Variants in RAD54B observed in about 807,000 individuals in gnomAD.
RAD54B encodes the protein RAD54 homolog B.
In RAD54B, 78 loss-of-function variants were observed where a neutral mutation model predicts 95.8. That is an observed-to-expected ratio of 0.81 (90% CI 0.68 to 0.98). The LOEUF is 0.98. Ranked by LOEUF, RAD54B falls within the 50% of genes least tolerant of loss-of-function variation. RAD54B has a pLI of 0.00. For synonymous variants in RAD54B, 328 were observed against 354.9 expected (o/e 0.92, Z 0.85); for missense variants, 957 against 1,056.6 (o/e 0.91, Z 1.31).
At chr8:94,466,331 T>C (rs1295144170) in intron 2 of RAD54B, among the ~76,000 whole-genome samples, 1 of 152,152 alleles carries the variant, frequency 6.6e-6, no homozygotes, top group Non-Finnish European at 1.5e-5. Context: ...CTAACGCCTT[T>C]GATCTTAGAC....
At chr8:94,385,808 A>C (rs1810876668) in intron 11 of RAD54B, among the ~76,000 whole-genome samples, 1 of 152,232 alleles carries the variant, frequency 6.6e-6, no homozygotes, top group African/African-American at 2.4e-5. Flanking sequence ...AGCCAGCCAC[A>C]GAAACCTGCA....
chr8:94,464,858 A>T (rs1455398798), intron 2 of RAD54B, among the ~76,000 whole-genome samples: 2 of 152,122 alleles, frequency 1.3e-5, no homozygotes, highest in Non-Finnish European at 2.9e-5. Context: ...TTAGGGCAGA[A>T]GGTAAAGGGG....
intron 7 of RAD54B, among the ~76,000 whole-genome samples, 183 bp from the exon 8 acceptor site, chr8:94,399,804 A>T (rs1277556962): frequency 6.6e-6 from 1 of 152,134 alleles, no homozygotes; most frequent in African/African-American, 2.4e-5. Flanking sequence ...ACAGACATTT[A>T]TTTCTCACAG....
intron 11 of RAD54B, among the ~76,000 whole-genome samples, chr8:94,381,388 G>C (rs2129958353): frequency 6.6e-6 from 1 of 152,272 alleles, no homozygotes; most frequent in East Asian, 1.9e-4. Context: ...TATCCATACA[G>C]TGTTCAATTA....
At chr8:94,400,606 G>A in intron 6 of RAD54B, 143 bp from the exon 7 acceptor site, 3 of 627,462 alleles carry the variant, frequency 4.8e-6, no homozygotes, top group Non-Finnish European at 7.9e-6. Context: ...CACATCTTTT[G>A]CATCTTTGAT....
chr8:94,440,570 G>C (rs1812375098), intron 3 of RAD54B, among the ~76,000 whole-genome samples: 1 of 152,188 alleles, frequency 6.6e-6, no homozygotes, highest in Non-Finnish European at 1.5e-5. Flanking sequence ...CGTTGGTGTA[G>C]TCATAGAGTT....
intron 5 of RAD54B, among the ~76,000 whole-genome samples, chr8:94,404,899 C>T (rs1563644257): frequency 1.3e-5 from 2 of 152,014 alleles, no homozygotes; most frequent in South Asian, 2.1e-4. Flanking sequence ...CTGCAACCTC[C>T]GCCTCCCAGG....
chr8:94,430,507 G>C (rs1473187726), intron 3 of RAD54B: 4 of 921,008 alleles, frequency 4.3e-6, no homozygotes, highest in Admixed American at 6.2e-5. Flanking sequence ...ATCGCTAAAG[G>C]GTTTATTAAA....
intron 2 of RAD54B, among the ~76,000 whole-genome samples, chr8:94,459,706 A>G (rs1812857895): frequency 6.6e-6 from 1 of 151,400 alleles, no homozygotes; most frequent in South Asian, 2.1e-4. Flanking sequence ...CTGAAAAAAC[A>G]AAAATTAGCC....
chr8:94,444,475 G>A (rs1237170619), intron 3 of RAD54B, among the ~76,000 whole-genome samples: 2 of 150,132 alleles, frequency 1.3e-5, no homozygotes, highest in African/African-American at 4.9e-5. Flanking sequence ...ATACTTTGCA[G>A]CAATTAAAAA....
chr8:94,426,905 A>T (rs1586160531), intron 3 of RAD54B, among the ~76,000 whole-genome samples: 1 of 152,226 alleles, frequency 6.6e-6, no homozygotes, highest in Non-Finnish European at 1.5e-5. Flanking sequence ...ATGCTGAAGT[A>T]CTTAAGGGTA....
chr8:94,454,220 G>A (rs1812731439), intron 3 of RAD54B, among the ~76,000 whole-genome samples: 1 of 151,884 alleles, frequency 6.6e-6, no homozygotes, highest in African/African-American at 2.4e-5. Context: ...TCCAGAATAG[G>A]TAAACCCATA....
intron 3 of RAD54B, among the ~76,000 whole-genome samples, chr8:94,454,955 T>C (rs1463654255): frequency 1.3e-5 from 2 of 152,212 alleles, no homozygotes; most frequent in African/African-American, 2.4e-5. Context: ...TCCCCTGTTA[T>C]ACCTTTAATC....
At chr8:94,440,011 CACG>C (rs1165020122) in intron 3 of RAD54B, among the ~76,000 whole-genome samples, 7 of 152,146 alleles carry the variant, frequency 4.6e-5, no homozygotes, top group Non-Finnish European at 8.8e-5. Flanking sequence ...GATGGCTTTG[CACG>C]ACCATTTCAA....
chr8:94,378,505 T>A, intron 13 of RAD54B, 63 bp downstream of exon 13: 1 of 1,482,720 alleles, frequency 6.7e-7, no homozygotes, highest in Non-Finnish European at 9.2e-7. Context: ...AAGCACAGGC[T>A]AACAAAAAAT....
chr8:94,392,764 ATTTTTTTT>A (rs34856809), intron 9 of RAD54B, among the ~76,000 whole-genome samples: 9 of 72,602 alleles, frequency 1.2e-4, no homozygotes, highest in East Asian at 4.4e-4. Flanking sequence ...CACCTGGCTG[ATTTTTTTT>A]TTTTTTTTTT....
chr8:94,424,366 A>T (rs1811892167), intron 3 of RAD54B, among the ~76,000 whole-genome samples: 1 of 152,234 alleles, frequency 6.6e-6, no homozygotes, highest in Non-Finnish European at 1.5e-5. Flanking sequence ...GGATTAGTGA[A>T]TATATGTAAA....
rs1369075231 is a variant in RAD54B, at chr8:94,407,565, G to A, written c.655C>T (p.His219Tyr). 3 of 1,613,920 alleles carry A rather than the reference G, an allele frequency of 1.9e-6. No individual in the cohort carries two copies. The highest frequency in any genetic ancestry group is 2.7e-5 in the African/African-American group (2 of 74,920). ...QLGGGSTAIS[H>Y]SSQVARKCFS... ...CATTTCCTGGCAACCTGAGAAGAAT[G>A]CGAGATAGCAGTACTTCCTCCTCCA... The change falls in exon 5 of 15, where the codon CAT becomes TAT. Residue 219 changes from histidine to tyrosine, a missense_variant. His to Tyr is a moderately conservative substitution (Grantham distance 83). Transcript: ENST00000336148.
At chr8:94,416,482 A>G (rs901653628) in intron 3 of RAD54B, among the ~76,000 whole-genome samples, 14 of 151,890 alleles carry the variant, frequency 9.2e-5, no homozygotes, top group African/African-American at 3.1e-4. Context: ...TAACCTGCAC[A>G]TTGTGCACAT....
Sources: gnomAD v4.1 joint callset for allele counts (sites outside exome capture counted in the v4.1 genomes callset) on GRCh38, gnomAD v4.1.1 for gene constraint, MANE v1.5 for transcripts, NCBI Gene and HGNC (gene_info 2026-07-23, HGNC 2026-07-21) for gene names.